The following GBE1 variants were observed in gnomAD, a reference collection of about 807,000 sequenced individuals.
GBE1 encodes 1,4-alpha-glucan branching enzyme 1, also known as 1,4-alpha-glucan-branching enzyme.
A neutral mutation model predicts 88.8 loss-of-function variants in GBE1; 70 were observed. That is an observed-to-expected ratio of 0.79 (90% confidence interval 0.65 to 0.96). The LOEUF is 0.96. Ranked by LOEUF, GBE1 falls within the 40% of genes least tolerant of loss-of-function variation. GBE1 has a pLI of 0.00. For synonymous variants in GBE1, 284 were observed against 300.1 expected (o/e 0.95, Z 0.56); for missense variants, 872 against 871.0 (o/e 1.00, Z -0.01).
chr3:81,624,057 A>G (rs1267952679), intron 7 of GBE1, among the ~76,000 whole-genome samples: 1 of 152,190 alleles, frequency 6.6e-6, no homozygotes, highest in African/African-American at 2.4e-5. Context: ...TTATAAAGGA[A>G]AAAGGCTTAA....
chr3:81,673,334 C>T (rs1559683444), intron 2 of GBE1, among the ~76,000 whole-genome samples: 2 of 151,788 alleles, frequency 1.3e-5, no homozygotes. Flanking sequence ...AATATGTACT[C>T]CGTGCTTAAT....
intron 14 of GBE1, among the ~76,000 whole-genome samples, chr3:81,516,095 T>G (rs373273832): frequency 1.3e-5 from 2 of 151,686 alleles, no homozygotes; most frequent in South Asian, 4.1e-4. Flanking sequence ...CACTAAACAA[T>G]GGATTTTCAG....
intron 2 of GBE1, among the ~76,000 whole-genome samples, chr3:81,674,269 G>A (rs1165662424): frequency 2.0e-5 from 3 of 151,804 alleles, no homozygotes; most frequent in Non-Finnish European, 2.9e-5. Flanking sequence ...AATAAAACCA[G>A]TTCCTGCCTT....
At chr3:81,602,007 C>T (rs1228055551) in intron 7 of GBE1, among the ~76,000 whole-genome samples, 1 of 152,110 alleles carries the variant, frequency 6.6e-6, no homozygotes, top group Non-Finnish European at 1.5e-5. Flanking sequence ...CTAACACAAA[C>T]ACATTTAATT....
intron 10 of GBE1, among the ~76,000 whole-genome samples, chr3:81,584,522 G>C (rs927382857): frequency 5.3e-5 from 8 of 151,986 alleles, no homozygotes; most frequent in African/African-American, 1.9e-4. Flanking sequence ...ACTAAGGGGG[G>C]ACCCAGTTTG....
At chr3:81,617,943 A>T (rs1032901686) in intron 7 of GBE1, among the ~76,000 whole-genome samples, 1 of 152,024 alleles carries the variant, frequency 6.6e-6, no homozygotes, top group Non-Finnish European at 1.5e-5. Context: ...AAGTTGTGGT[A>T]GCGTTTTTTT....
At chr3:81,505,150 T>C (rs1343187844) in intron 14 of GBE1, among the ~76,000 whole-genome samples, 1 of 152,182 alleles carries the variant, frequency 6.6e-6, no homozygotes, top group Admixed American at 6.6e-5. Context: ...AAATGTGAAA[T>C]AATGTAGGTT....
chr3:81,628,070 C>T (rs1223363171), intron 7 of GBE1, among the ~76,000 whole-genome samples: 1 of 152,052 alleles, frequency 6.6e-6, no homozygotes, highest in African/African-American at 2.4e-5. Flanking sequence ...GACTTGCCCA[C>T]TCCAAATTAG....
intron 7 of GBE1, among the ~76,000 whole-genome samples, chr3:81,635,002 T>G (rs1011762883): frequency 6.6e-6 from 1 of 152,160 alleles, no homozygotes; most frequent in African/African-American, 2.4e-5. Flanking sequence ...CTCATCGGCC[T>G]CCTTCACTGT....
intron 12 of GBE1, among the ~76,000 whole-genome samples, chr3:81,577,541 G>C (rs1443974292): frequency 6.6e-6 from 1 of 151,998 alleles, no homozygotes; most frequent in Non-Finnish European, 1.5e-5. Flanking sequence ...TCTCAAAGAA[G>C]ACCAATAATA....
chr3:81,622,505 T>C (rs1704346798), intron 7 of GBE1, among the ~76,000 whole-genome samples: 1 of 152,174 alleles, frequency 6.6e-6, no homozygotes, highest in African/African-American at 2.4e-5. Context: ...TGATACAAGC[T>C]CACTGCTTTG....
chr3:81,758,689 A>G (rs1706636791), intron 1 of GBE1, among the ~76,000 whole-genome samples: 1 of 152,216 alleles, frequency 6.6e-6, no homozygotes, highest in South Asian at 2.1e-4. Context: ...GGAAAATGCT[A>G]TTTTGGGAGG....
intron 1 of GBE1, among the ~76,000 whole-genome samples, chr3:81,706,528 T>C (rs867030666): frequency 3.3e-5 from 5 of 152,146 alleles, no homozygotes; most frequent in African/African-American, 1.2e-4. Flanking sequence ...TCCAGAACTA[T>C]ACAATGAACT....
chr3:81,505,691 C>A (rs2106819757), intron 14 of GBE1, among the ~76,000 whole-genome samples: 1 of 152,172 alleles, frequency 6.6e-6, no homozygotes, highest in East Asian at 1.9e-4. Flanking sequence ...TATATTACTA[C>A]ATAGATAATG....
intron 7 of GBE1, among the ~76,000 whole-genome samples, chr3:81,595,929 A>G (rs1452505909): frequency 6.6e-6 from 1 of 151,990 alleles, no homozygotes; most frequent in African/African-American, 2.4e-5. Context: ...ACCTAATTAA[A>G]AAGTTCTCAT....
At chr3:81,581,931 T>C (rs907137602) in intron 10 of GBE1, among the ~76,000 whole-genome samples, 11 of 152,040 alleles carry the variant, frequency 7.2e-5, no homozygotes, top group African/African-American at 2.7e-4. Context: ...AGTAGATACT[T>C]GCTATACATA....
At chr3:81,716,119 A>G (rs56106807) in intron 1 of GBE1, among the ~76,000 whole-genome samples, 31,640 of 152,090 alleles carry the variant, frequency 0.21, 4,043 homozygotes, top group East Asian at 0.38. Flanking sequence ...ACACATCCTC[A>G]GTCCACATTT....
chr3:81,609,863 T>C (rs1704148891), intron 7 of GBE1, among the ~76,000 whole-genome samples: 1 of 152,192 alleles, frequency 6.6e-6, no homozygotes, highest in South Asian at 2.1e-4. Context: ...TTGCTCACAA[T>C]AGAGTCTCGT....
intron 1 of GBE1, among the ~76,000 whole-genome samples, chr3:81,757,261 G>A (rs1706615810): frequency 6.6e-6 from 1 of 152,174 alleles, no homozygotes; most frequent in South Asian, 2.1e-4. Flanking sequence ...GAGGGAGGCT[G>A]AAAAGGTCAA....
Sources: allele counts gnomAD v4.1 joint callset (sites outside exome capture counted in the v4.1 genomes callset), GRCh38; gene constraint gnomAD v4.1.1; transcripts MANE v1.5; gene names NCBI Gene and HGNC (gene_info 2026-07-23, HGNC 2026-07-21).